The following LUC7L2 variants were observed in gnomAD, a reference collection of about 807,000 sequenced individuals.
The protein encoded by LUC7L2 is putative RNA-binding protein Luc7-like 2.
Under a neutral mutation model 52.8 loss-of-function variants are expected in LUC7L2, and 25 were observed. The observed-to-expected ratio is 0.47, with a 90% confidence interval of 0.34 to 0.66. The LOEUF is 0.66. Among genes scored for constraint, LUC7L2 ranks in the 30% least tolerant of loss-of-function variants. The pLI is 0.01. For missense variants in LUC7L2, 328 were observed against 497.8 expected (o/e 0.66, Z 3.25); for synonymous variants, 144 against 160.9 (o/e 0.89, Z 0.80).
intron 1 of LUC7L2, chr7:139,345,918 AT>A (rs568629078): frequency 2.3e-6 from 1 of 440,136 alleles, no homozygotes; most frequent in African/African-American, 2.1e-5. Flanking sequence ...ACTTAAAAAA[AT>A]TTTTTTATAT....
chr7:139,407,396 T>G, intron 6 of LUC7L2, 46 bp downstream of exon 6: 2 of 1,559,030 alleles, frequency 1.3e-6, no homozygotes, highest in Non-Finnish European at 1.7e-6. Context: ...GTTCTTTTGA[T>G]CTGTATCAGT....
At chr7:139,362,977 A>G (rs1799962253) in intron 1 of LUC7L2, among the ~76,000 whole-genome samples, 2 of 152,084 alleles carry the variant, frequency 1.3e-5, no homozygotes, top group South Asian at 4.1e-4. Flanking sequence ...GGAAATGGAG[A>G]GGTAATTTTG....
At chr7:139,345,162 A>G (rs1206984600) in intron 1 of LUC7L2, among the ~76,000 whole-genome samples, 30 of 152,150 alleles carry the variant, frequency 2.0e-4, no homozygotes, top group Admixed American at 2.0e-3. Flanking sequence ...ACCTAATTAT[A>G]ATTTCCATAT....
chr7:139,360,214 G>C lies in LUC7L2; in HGVS notation c.-48G>C. 1 of 1,478,132 alleles carries C rather than the reference G, an allele frequency of 6.8e-7. No homozygotes were observed. Among genetic ancestry groups the C allele is most frequent in the Non-Finnish European group, 9.2e-7 (1 of 1,087,296 alleles). The allele number at this position is 1,478,132 out of a possible 1,614,324, so 91.6% of individuals were successfully genotyped here. A position where few individuals can be genotyped will look rare whatever the true frequency, so the allele number is the denominator to read the frequency against. On this transcript the variant is annotated 5_prime_UTR_variant, in exon 1 of 10. Transcript: ENST00000354926. The stretch of plus-strand genomic sequence containing the variant: ...TCCCCTTATCCCCCAGCCCAAAAGG[G>C]CCCGGTCTGCGCCCCACCCCCGCCC...
At chr7:139,368,970 T>C (rs1211891801) in intron 1 of LUC7L2, among the ~76,000 whole-genome samples, 1 of 152,204 alleles carries the variant, frequency 6.6e-6, no homozygotes, top group Non-Finnish European at 1.5e-5. Context: ...CTATCACCTC[T>C]GTCCCTTGAT....
chr7:139,404,397 T>C (rs1795035074), intron 4 of LUC7L2, among the ~76,000 whole-genome samples: 1 of 152,108 alleles, frequency 6.6e-6, no homozygotes, highest in African/African-American at 2.4e-5. Context: ...TAATCTCAGC[T>C]ACGTGGGAGG....
chr7:139,401,923 T>C (rs1794934749), intron 3 of LUC7L2, among the ~76,000 whole-genome samples: 1 of 151,750 alleles, frequency 6.6e-6, no homozygotes, highest in South Asian at 2.1e-4. Context: ...CTGGCTAAAT[T>C]TGGATTTTAA....
At chr7:139,363,280 C>T in intron 1 of LUC7L2, 1 of 976,624 alleles carries the variant, frequency 1.0e-6, no homozygotes, top group Non-Finnish European at 1.2e-6. Flanking sequence ...ACATTGGTCA[C>T]ACTATATAAA....
intron 1 of LUC7L2, among the ~76,000 whole-genome samples, chr7:139,362,023 A>ATG (rs1319103030): frequency 6.6e-6 from 1 of 151,718 alleles, no homozygotes; most frequent in Non-Finnish European, 1.5e-5. Flanking sequence ...AAATTTAAAT[A>ATG]TATATATTTC....
At chr7:139,381,878 ATTTTTTTTTT>A (rs57302073) in intron 2 of LUC7L2, among the ~76,000 whole-genome samples, 25 of 105,172 alleles carry the variant, frequency 2.4e-4, no homozygotes, top group African/African-American at 6.3e-4. Context: ...GCCTGGCCTA[ATTTTTTTTTT>A]TTTTTTTTTT....
chr7:139,407,276 C>A lies in LUC7L2; in HGVS notation c.613C>A (p.Arg205=). ...TTTAGGACTTCATGATAATGACAGA[C>A]GACTGGCTGATCATTTTGGGGGTAA... The part of the protein sequence containing the change: ...AYLGLHDNDR[R]LADHFGGKLH... Residue 205 remains arginine (R), a synonymous_variant, in exon 6 of 10, where the codon CGA becomes AGA. Transcript: ENST00000354926. 1 of 1,611,478 alleles carries A rather than the reference C, an allele frequency of 6.2e-7. No individual in the cohort carries two copies. Among genetic ancestry groups the A allele is most frequent in the South Asian group, 1.1e-5 (1 of 90,726 alleles).
Position 139,412,537 on chromosome 7 carries a change from T to C in LUC7L2, c.780-14T>C, listed in dbSNP as rs200596529. On this transcript the variant is annotated splice_polypyrimidine_tract_variant and intron_variant, in intron 7 of 9. Transcript: ENST00000354926. ...ATAGCCACTTTTCTAAAAATACATA[T>C]TTTTTTTTTTTAGGTCCCGATCACA... 0.066 allele frequency: 24,744 copies of C among 373,698 alleles called. 3 individuals carry two copies. The highest frequency in any genetic ancestry group is 0.25 in the African/African-American group (3,680 of 14,846). The allele number at this position is 373,698 out of a possible 1,614,324, so 23.1% of individuals were successfully genotyped here. A position where few individuals can be genotyped will look rare whatever the true frequency, so the allele number is the denominator to read the frequency against.
chr7:139,370,388 C>T (rs536974830), intron 1 of LUC7L2, among the ~76,000 whole-genome samples: 10 of 152,132 alleles, frequency 6.6e-5, no homozygotes, highest in Non-Finnish European at 1.3e-4. Flanking sequence ...AGATTGGCTC[C>T]TTAGTATAAG....
chr7:139,391,421 G>A (rs542861679), intron 2 of LUC7L2, among the ~76,000 whole-genome samples: 23 of 152,116 alleles, frequency 1.5e-4, no homozygotes, highest in African/African-American at 3.9e-4. Flanking sequence ...AAATTCTATC[G>A]TTTATATATT....
chr7:139,362,133 G>C (rs1432406121), intron 1 of LUC7L2, among the ~76,000 whole-genome samples: 1 of 151,710 alleles, frequency 6.6e-6, no homozygotes, highest in Non-Finnish European at 1.5e-5. Flanking sequence ...TTCAGACTTA[G>C]AGGATTTATG....
chr7:139,359,070 CGCCATAG>C (rs1260530807), upstream of LUC7L2: 1 of 152,284 alleles, frequency 6.6e-6, no homozygotes, highest in Admixed American at 6.5e-5. Context: ...CTAACAGCCA[CGCCATAG>C]CAGACGTGTG....
intron 2 of LUC7L2, among the ~76,000 whole-genome samples, chr7:139,397,555 C>CA (rs2131272055): frequency 6.6e-6 from 1 of 152,210 alleles, no homozygotes; most frequent in South Asian, 2.1e-4. Flanking sequence ...CCCTTTTTAC[C>CA]AACCCTCCAG....
intron 1 of LUC7L2, 121 bp downstream of exon 1, chr7:139,360,443 A>C: frequency 3.5e-6 from 3 of 846,108 alleles, no homozygotes; most frequent in Non-Finnish European, 5.4e-6. Context: ...GATTGGTAAC[A>C]CGAGGTCCCC....
chr7:139,409,301 T>TAA (rs1001072650), intron 6 of LUC7L2, among the ~76,000 whole-genome samples: 3 of 127,744 alleles, frequency 2.3e-5, no homozygotes, highest in Non-Finnish European at 5.0e-5. Context: ...TGTTTTCACT[T>TAA]AAAAAAAAAA....
Sources: gnomAD v4.1 joint callset for allele counts (sites outside exome capture counted in the v4.1 genomes callset) on GRCh38, gnomAD v4.1.1 for gene constraint, MANE v1.5 for transcripts, NCBI Gene and HGNC (gene_info 2026-07-23, HGNC 2026-07-21) for gene names.